DOCK3: variants seen among roughly 807,000 people sequenced by gnomAD.
DOCK3 encodes the protein dedicator of cytokinesis 3.
In DOCK3, 60 loss-of-function variants were observed where a neutral mutation model predicts 265.6. That is an observed-to-expected ratio of 0.23 (90% CI 0.18 to 0.28). The LOEUF (loss-of-function observed/expected upper bound fraction) is 0.28. DOCK3 is among the 10% of genes least tolerant of loss of function. DOCK3 has a pLI of 1.00. For synonymous variants in DOCK3, 881 were observed against 938.0 expected (o/e 0.94, Z 1.11); for missense variants, 1,981 against 2,594.3 (o/e 0.76, Z 5.14).
rs1355351073 is a variant in DOCK3, at chr3:51,000,348, GAC to G, written c.316-64096_316-64095del. On this transcript the variant is annotated intron_variant, in intron 5 of 52. Coordinates refer to ENST00000266037, the MANE Select transcript of DOCK3 (RefSeq NM_004947.5). The stretch of plus-strand genomic sequence containing the variant: ...GTATCCAAATAGACAAGTTAGAAAA[GAC>G]ACATACAATAATTTGTGAATGAAGT... 2.0e-5 allele frequency among the ~76,000 whole-genome samples: 3 copies of G among 152,312 alleles called. No homozygotes were observed. The East Asian group carries it at 5.8e-4, about 29-fold the overall frequency.
At chr3:51,308,065 C>A (rs1437654077) in intron 27 of DOCK3, among the ~76,000 whole-genome samples, 1 of 151,792 alleles carries the variant, frequency 6.6e-6, no homozygotes, top group African/African-American at 2.4e-5. Flanking sequence ...AGTTCCAAAA[C>A]CATTCTGTCC....
chr3:51,199,685 A>G (rs1013361291), intron 12 of DOCK3, among the ~76,000 whole-genome samples: 24 of 152,208 alleles, frequency 1.6e-4, no homozygotes, highest in African/African-American at 5.3e-4. Context: ...TGAAGAGAGC[A>G]GTGGTTCTCC....
At chr3:51,355,473 G>A (rs1022857047) in intron 41 of DOCK3, among the ~76,000 whole-genome samples, 2 of 152,172 alleles carry the variant, frequency 1.3e-5, no homozygotes, top group African/African-American at 4.8e-5. Flanking sequence ...CTGGGGCAGG[G>A]CCCAAGGATG....
At chr3:50,773,336 G>T (rs2041394771) in intron 1 of DOCK3, among the ~76,000 whole-genome samples, 1 of 152,044 alleles carries the variant, frequency 6.6e-6, no homozygotes, top group Admixed American at 6.6e-5. Context: ...AAAACTACTA[G>T]AGGAAAATGG....
At position 50,934,045 on chromosome 3, in the gene DOCK3, G is replaced by C; in HGVS notation, c.283G>C (p.Glu95Gln). ...IVTEVTATLQ[E>Q]WASLWKQLYV... ...GACTGAGGTTACAGCAACTCTACAA[G>C]AATGGGCAAGTTTGTGGAAACAGTT... is the stretch of plus-strand genomic sequence containing the variant. The change falls in exon 5 of 53, where the codon GAA (glutamate) becomes CAA (glutamine). Residue 95 changes from glutamate (E) to glutamine (Q), a missense_variant. This residue lies in a region of DOCK3 where 456 missense variants were observed against 539.0 expected (regional missense o/e 0.85). Coordinates refer to ENST00000266037, the MANE Select transcript of DOCK3 (RefSeq NM_004947.5). 6.2e-7 allele frequency: 1 copy of C among 1,610,728 alleles called. No individual in the cohort carries two copies. The highest frequency in any genetic ancestry group is 1.1e-5 in the South Asian group (1 of 90,326).
intron 5 of DOCK3, among the ~76,000 whole-genome samples, chr3:51,016,761 TGATATATGTTTA>T (rs2079318523): frequency 1.7e-5 from 1 of 58,138 alleles, no homozygotes; most frequent in African/African-American, 9.1e-5. Flanking sequence ...ATAATATATA[TGATATATGTTTA>T]TATATATCAT....
intron 1 of DOCK3, among the ~76,000 whole-genome samples, chr3:50,689,357 C>T (rs1200679373): frequency 6.6e-6 from 1 of 152,112 alleles, no homozygotes; most frequent in Non-Finnish European, 1.5e-5. Flanking sequence ...CTGGGGAGGC[C>T]TCAGGAAACT....
At position 51,341,369 on chromosome 3, in the gene DOCK3, A is replaced by G. The variant is rs1159545603; in HGVS notation, c.3899A>G (p.Tyr1300Cys). 3.1e-6 allele frequency: 5 copies of G among 1,613,778 alleles called. No homozygotes were observed. Among genetic ancestry groups the G allele is most frequent in the Non-Finnish European group, 3.4e-6 (4 of 1,179,788 alleles). ...KEGLCRKIIH[Y>C]FNKGKSWEFG... ...GGACTGTGCCGGAAGATCATTCACTACTTCAACAAAGGCAAGGTATGCATC... is the reference window on the plus strand; with the variant it reads ...GGACTGTGCCGGAAGATCATTCACTGCTTCAACAAAGGCAAGGTATGCATC... Residue 1300 changes from tyrosine (Y) to cysteine (C), a missense_variant, in exon 38 of 53, where the codon TAC (tyrosine) becomes TGC (cysteine). By Grantham distance (194) the Tyr-to-Cys change is radical (BLOSUM62 -2). Coordinates refer to ENST00000266037, the MANE Select transcript of DOCK3 (RefSeq NM_004947.5).
chr3:50,687,771 G>T (rs930283178), intron 1 of DOCK3, among the ~76,000 whole-genome samples: 3 of 152,170 alleles, frequency 2.0e-5, no homozygotes. Flanking sequence ...TTCCATCTAT[G>T]CATATACTGA....
chr3:50,863,646 A>G, intron 3 of DOCK3, among the ~76,000 whole-genome samples: 1 of 152,148 alleles, frequency 6.6e-6, no homozygotes, highest in East Asian at 1.9e-4. Flanking sequence ...TCCGTTCACC[A>G]GTAACTTTGG....
chr3:51,167,356 C>T lies in DOCK3; in HGVS notation c.1037+6654C>T, dbSNP rs994434462. Among the ~76,000 whole-genome samples, 3 of 152,042 alleles carry T rather than the reference C, an allele frequency of 2.0e-5. No individual in the cohort carries two copies. The East Asian group carries it at 5.8e-4, about 29-fold the overall frequency. On this transcript the variant is annotated intron_variant, in intron 12 of 52. Transcript: ENST00000266037. ...TATTTTGATTACTGTAACTTTACAA[C>T]ATTATTTGAAATCAGGAAGTGTGAT...
At chr3:51,213,364 G>T (rs897849898) in intron 13 of DOCK3, among the ~76,000 whole-genome samples, 1 of 152,104 alleles carries the variant, frequency 6.6e-6, no homozygotes, top group African/African-American at 2.4e-5. Flanking sequence ...CTTCTAGCCA[G>T]TAGCTGCAGC....
Position 50,847,859 on chromosome 3 carries a change from G to A in DOCK3, c.162+6144G>A, listed in dbSNP as rs577154176. On this transcript the variant is annotated intron_variant, in intron 3 of 52. Transcript: ENST00000266037. ...GATTGTGCCACTGCACTCCAGCCTG[G>A]GTGACAGAACGAGGCTCCATTTCAA... is the stretch of plus-strand genomic sequence containing the variant. 4.2e-5 allele frequency among the ~76,000 whole-genome samples: 5 copies of A among 120,088 alleles called. No individual in the cohort carries two copies. In the South Asian group the frequency reaches 1.4e-3, roughly 35 times the overall value. The allele number at this position is 120,088 out of a possible 152,430, so 78.8% of individuals were successfully genotyped here. A position where few individuals can be genotyped will look rare whatever the true frequency, so the allele number is the denominator to read the frequency against.
chr3:50,727,143 A>G (rs918167429), intron 1 of DOCK3, among the ~76,000 whole-genome samples: 2 of 152,250 alleles, frequency 1.3e-5, no homozygotes, highest in African/African-American at 4.8e-5. Context: ...CAAACCATAT[A>G]ATTACATCAT....
At chr3:50,911,165 A>G (rs1178767395) in intron 4 of DOCK3, among the ~76,000 whole-genome samples, 1 of 151,962 alleles carries the variant, frequency 6.6e-6, no homozygotes, top group East Asian at 1.9e-4. Flanking sequence ...TTAGCTTGTT[A>G]TCATCCCATT....
intron 12 of DOCK3, among the ~76,000 whole-genome samples, chr3:51,176,369 C>T (rs2107678179): frequency 6.6e-6 from 1 of 152,204 alleles, no homozygotes; most frequent in Non-Finnish European, 1.5e-5. Context: ...GTAATCCTAG[C>T]ACTTTGGGAG....
intron 2 of DOCK3, among the ~76,000 whole-genome samples, chr3:50,790,472 G>GTT (rs2042412448): frequency 1.7e-5 from 1 of 59,694 alleles, no homozygotes; most frequent in Non-Finnish European, 4.3e-5. Context: ...AATATTTAGA[G>GTT]CTTTTTTTTT....
chr3:50,718,030 T>C (rs1483551556), intron 1 of DOCK3, among the ~76,000 whole-genome samples: 1 of 152,228 alleles, frequency 6.6e-6, no homozygotes, highest in Non-Finnish European at 1.5e-5. Flanking sequence ...AATATCTAAA[T>C]GATATAATTT....
intron 22 of DOCK3, among the ~76,000 whole-genome samples, chr3:51,254,692 C>A (rs953801201): frequency 7.9e-5 from 12 of 152,082 alleles, no homozygotes; most frequent in African/African-American, 1.2e-4. Context: ...ATTGCAACCC[C>A]TGCTTTTTTT....
Sources: allele counts gnomAD v4.1 joint callset (sites outside exome capture counted in the v4.1 genomes callset), GRCh38; gene constraint gnomAD v4.1.1; regional missense constraint gnomAD v4.1.1; transcripts MANE v1.5; gene names NCBI Gene and HGNC (gene_info 2026-07-23, HGNC 2026-07-21).